Variants in RORA observed in about 807,000 individuals in gnomAD.
RORA encodes the protein nuclear receptor ROR-alpha.
In RORA, 7 loss-of-function variants were observed where a neutral mutation model predicts 69.5. That is an observed-to-expected ratio of 0.10 (90% confidence interval 0.06 to 0.19). The LOEUF is 0.19. Among genes scored for constraint, RORA ranks in the 10% least tolerant of loss-of-function variants. RORA has a pLI of 1.00. For synonymous variants in RORA, 261 were observed against 240.8 expected (o/e 1.08, Z -0.78); for missense variants, 457 against 663.0 (o/e 0.69, Z 3.41).
chr15:60,628,115 T>C (rs1013139424), intron 2 of RORA, among the ~76,000 whole-genome samples: 1 of 152,208 alleles, frequency 6.6e-6, no homozygotes, highest in Non-Finnish European at 1.5e-5. Context: ...GAATCAACAT[T>C]GGTATGTTAC....
intron 1 of RORA, among the ~76,000 whole-genome samples, chr15:60,904,291 A>G (rs1891471382): frequency 6.6e-6 from 1 of 152,166 alleles, no homozygotes; most frequent in Admixed American, 6.5e-5. Context: ...GTGTTGGAGT[A>G]AGGAGAGAGT....
intron 1 of RORA, among the ~76,000 whole-genome samples, chr15:60,875,775 G>A (rs751485952): frequency 1.3e-5 from 2 of 152,124 alleles, no homozygotes; most frequent in Non-Finnish European, 2.9e-5. Flanking sequence ...CTGCAGCCAC[G>A]GTGGATGAGA....
At chr15:61,082,448 C>G (rs1377549762) in intron 1 of RORA, among the ~76,000 whole-genome samples, 2 of 152,200 alleles carry the variant, frequency 1.3e-5, no homozygotes, top group East Asian at 3.8e-4. Context: ...GAGATCACAC[C>G]ATTGCACTCT....
chr15:60,746,311 T>C (rs771188231), intron 1 of RORA, among the ~76,000 whole-genome samples: 8 of 152,142 alleles, frequency 5.3e-5, no homozygotes, highest in Non-Finnish European at 1.2e-4. Flanking sequence ...TTTTTTAATT[T>C]AATGAATGGA....
chr15:61,157,349 G>C (rs188234206), intron 1 of RORA, among the ~76,000 whole-genome samples: 9 of 152,276 alleles, frequency 5.9e-5, no homozygotes, highest in African/African-American at 1.9e-4. Context: ...GTGATGGTAG[G>C]GAGGTAGGTT....
At chr15:60,957,667 T>C (rs1256123123) in intron 1 of RORA, among the ~76,000 whole-genome samples, 1 of 152,082 alleles carries the variant, frequency 6.6e-6, no homozygotes, top group Admixed American at 6.5e-5. Flanking sequence ...TGACTGGAGG[T>C]CAGGAAGGCT....
At chr15:61,215,019 C>G (rs1239611131) in intron 1 of RORA, among the ~76,000 whole-genome samples, 2 of 147,844 alleles carry the variant, frequency 1.4e-5, no homozygotes, top group Admixed American at 6.8e-5. Context: ...CGCCCGCCAC[C>G]ACGCCCAGCT....
Position 60,678,666 on chromosome 15 carries a change from T to A in RORA, c.187A>T (p.Thr63Ser). 3 of 1,612,368 alleles carry A rather than the reference T, an allele frequency of 1.9e-6. No homozygotes were observed. The highest frequency in any genetic ancestry group is 2.5e-6 in the Non-Finnish European group (3 of 1,178,412). Residue 63 changes from threonine to serine, a missense_variant, in exon 2 of 11, where the codon ACA (threonine) becomes TCA (serine). Physicochemically the swap from Thr to Ser is moderately conservative, Grantham distance 58 (BLOSUM62 1). Around this residue, in one of 3 missense-constraint regions of RORA, gnomAD observed 119 missense variants for 92.4 expected, o/e 1.29. Transcript: ENST00000335670. The stretch of plus-strand genomic sequence containing the variant: ...AAAATGCATTACTTACATGTATGTG[T>A]CTTCTTCGTTACTGAGATACCTGGA... ...TSRGISVTKK[T>S]HTSQIEIIPC...
At chr15:60,752,619 C>T in intron 1 of RORA, among the ~76,000 whole-genome samples, 1 of 149,518 alleles carries the variant, frequency 6.7e-6, no homozygotes, top group Non-Finnish European at 1.5e-5. Context: ...ATTGCTCCCC[C>T]CACCCCCACC....
At chr15:60,892,759 C>A (rs2073825456) in intron 1 of RORA, among the ~76,000 whole-genome samples, 1 of 152,174 alleles carries the variant, frequency 6.6e-6, no homozygotes, top group Non-Finnish European at 1.5e-5. Context: ...AACTCTTTCC[C>A]TATCTTACTG....
At chr15:60,949,506 G>C (rs1238667248) in intron 1 of RORA, among the ~76,000 whole-genome samples, 2 of 152,202 alleles carry the variant, frequency 1.3e-5, no homozygotes, top group African/African-American at 4.8e-5. Flanking sequence ...CAGCAGAGCA[G>C]CTGCTGTGTG....
intron 1 of RORA, among the ~76,000 whole-genome samples, chr15:60,786,842 G>A (rs1171339192): frequency 6.6e-6 from 1 of 152,358 alleles, no homozygotes; most frequent in Middle Eastern, 3.4e-3. Context: ...CTGTGCGAGT[G>A]CAGGTAAAGT....
chr15:60,930,274 C>A (rs777222504), intron 1 of RORA, among the ~76,000 whole-genome samples: 34 of 152,262 alleles, frequency 2.2e-4, no homozygotes, highest in Middle Eastern at 3.4e-3. Context: ...CTAAGAAATA[C>A]TCCAAGTCCC....
rs1014698045 is a variant in RORA, at chr15:61,061,729, C to G, written c.166+167324G>C. On this transcript the variant is annotated intron_variant, in intron 1 of 10. Coordinates refer to ENST00000335670, the MANE Select transcript of RORA (RefSeq NM_134261.3). This position sits in a 1 kb window ranked among gnomAD's most constrained non-coding sequence, Gnocchi z 4.4. ...GGGTCTCTAGAGACAGGGTGTTAAG[C>G]ATCACTGCATCACCACTTTGCATAT... Among the ~76,000 whole-genome samples the G allele has an allele frequency of 6.6e-6, 1 of 152,108 alleles. No homozygotes were observed. The highest frequency in any genetic ancestry group is 2.4e-5 in the African/African-American group (1 of 41,416).
intron 1 of RORA, among the ~76,000 whole-genome samples, chr15:61,090,973 C>T (rs958600290): frequency 6.6e-6 from 1 of 152,184 alleles, no homozygotes. Flanking sequence ...ATACCTAAAA[C>T]AGTCCACTGT....
At chr15:60,883,424 CA>C (rs762615092) in intron 1 of RORA, among the ~76,000 whole-genome samples, 123 of 152,182 alleles carry the variant, frequency 8.1e-4, no homozygotes, top group Non-Finnish European at 1.3e-3. Context: ...TGTTTAACCC[CA>C]AATATATGCA....
intron 1 of RORA, among the ~76,000 whole-genome samples, chr15:60,837,706 C>T (rs1275279610): frequency 1.3e-5 from 2 of 150,640 alleles, no homozygotes; most frequent in African/African-American, 2.4e-5. Context: ...AAGAGCTCAC[C>T]GGGGACACAG....
At chr15:60,707,213 C>G (rs1051904940) in intron 1 of RORA, among the ~76,000 whole-genome samples, 1 of 152,110 alleles carries the variant, frequency 6.6e-6, no homozygotes. Flanking sequence ...CTGGCTGTTG[C>G]GAAGAGAAGA....
intron 1 of RORA, among the ~76,000 whole-genome samples, chr15:60,996,722 A>C (rs1894551901): frequency 6.6e-6 from 1 of 152,086 alleles, no homozygotes; most frequent in Non-Finnish European, 1.5e-5. Flanking sequence ...CATCCTGGCT[A>C]ACATGGTGAA....
Sources: gnomAD v4.1 joint callset for allele counts (sites outside exome capture counted in the v4.1 genomes callset) on GRCh38, gnomAD v4.1.1 for gene constraint, gnomAD v4.1.1 regional missense constraint, Gnocchi (gnomAD v3.1) non-coding constraint, MANE v1.5 for transcripts, NCBI Gene and HGNC (gene_info 2026-07-23, HGNC 2026-07-21) for gene names.